Variants in DLG5 observed in about 807,000 individuals in gnomAD.
The protein encoded by DLG5 is discs large MAGUK scaffold protein 5.
DLG5 carries 48 observed loss-of-function variants against 189.8 expected under a neutral mutation model. That is an observed-to-expected ratio of 0.25 (90% confidence interval 0.20 to 0.32). The LOEUF (loss-of-function observed/expected upper bound fraction) is 0.32. DLG5 is among the 10% of genes least tolerant of loss of function. DLG5 has a pLI of 1.00. For missense variants in DLG5, 2,160 were observed against 2,544.7 expected (o/e 0.85, Z 3.25); for synonymous variants, 1,016 against 1,054.1 (o/e 0.96, Z 0.70).
intron 18 of DLG5, 116 bp from the exon 19 acceptor site, chr10:77,817,212 A>T (rs1478296909): frequency 1.1e-6 from 1 of 922,842 alleles, no homozygotes; most frequent in Non-Finnish European, 1.8e-6. Context: ...CCTGCTGTTT[A>T]TTCCCAAGGG....
chr10:77,799,811 A>C (rs1841109790), intron 27 of DLG5, among the ~76,000 whole-genome samples: 1 of 152,030 alleles, frequency 6.6e-6, no homozygotes, highest in Non-Finnish European at 1.5e-5. Flanking sequence ...GAGTCTTGCC[A>C]TGTTGCCCAG....
intron 1 of DLG5, among the ~76,000 whole-genome samples, chr10:77,885,865 C>A (rs1280677938): frequency 6.6e-6 from 1 of 152,178 alleles, no homozygotes; most frequent in Non-Finnish European, 1.5e-5. Context: ...GGTGCCAGTG[C>A]CAGGAGTGAA....
At chr10:77,883,036 G>A (rs1845330492) in intron 1 of DLG5, among the ~76,000 whole-genome samples, 1 of 152,124 alleles carries the variant, frequency 6.6e-6, no homozygotes, top group East Asian at 1.9e-4. Context: ...ATTCTACGCT[G>A]ACTTTCATTA....
chr10:77,855,433 A>G (rs1589221808), intron 3 of DLG5, among the ~76,000 whole-genome samples: 1 of 152,274 alleles, frequency 6.6e-6, no homozygotes, highest in Non-Finnish European at 1.5e-5. Flanking sequence ...AGCAGAGGTC[A>G]GCAAACTTTT....
chr10:77,916,484 G>T (rs1846360126), intron 1 of DLG5, among the ~76,000 whole-genome samples: 1 of 150,508 alleles, frequency 6.6e-6, no homozygotes, highest in African/African-American at 2.5e-5. Context: ...GTAGAGATGG[G>T]GTTTCATCAT....
chr10:77,891,573 G>GACACAGACACACACACACAC (rs1845607689), intron 1 of DLG5, among the ~76,000 whole-genome samples: 2 of 140,498 alleles, frequency 1.4e-5, no homozygotes, highest in African/African-American at 5.3e-5. Context: ...TCCCCCAACA[G>GACACAGACACACACACACAC]ACACACACAC....
rs769663409 is a variant in DLG5 at position 77,817,082 on chromosome 10, A to G, written c.3799T>C (p.Leu1267=). 12 of 1,614,046 alleles carry G rather than the reference A, an allele frequency of 7.4e-6. No homozygotes were observed. Among genetic ancestry groups the G allele is most frequent in the South Asian group, 1.1e-5 (1 of 91,084 alleles). ...SSARLGSSSN[L]QFKAERIKIP... ...TTAATGCGTTCCGCCTTGAACTGCA[A>G]GTTACTCGAAGAACCTATTGTTCCA... is the stretch of plus-strand genomic sequence containing the variant. Residue 1267 remains leucine, a synonymous_variant, in exon 19 of 32, where the codon TTG becomes CTG. Transcript: ENST00000372391.
At chr10:77,803,886 ATT>A (rs71030905) in intron 27 of DLG5, among the ~76,000 whole-genome samples, 53,561 of 129,062 alleles carry the variant, frequency 0.42, 11,448 homozygotes, top group African/African-American at 0.61. Context: ...ACAGGTTGGC[ATT>A]TTTTTTTTTT....
chr10:77,916,994 A>C (rs1846378543), intron 1 of DLG5, among the ~76,000 whole-genome samples: 1 of 151,186 alleles, frequency 6.6e-6, no homozygotes, highest in South Asian at 2.1e-4. Flanking sequence ...TGAGGACTTT[A>C]TGCTTAGAGA....
At chr10:77,899,588 C>T (rs1052693752) in intron 1 of DLG5, among the ~76,000 whole-genome samples, 1 of 152,200 alleles carries the variant, frequency 6.6e-6, no homozygotes, top group Non-Finnish European at 1.5e-5. Context: ...GGCTACACTA[C>T]AATGCACAGT....
chr10:77,929,271 G>A (rs1294977413), upstream of DLG5: 2 of 152,004 alleles, frequency 1.3e-5, no homozygotes, highest in African/African-American at 2.4e-5. Flanking sequence ...TGAACTCCTG[G>A]GCTCAAGTTA....
chr10:77,899,964 G>T (rs896917239), intron 1 of DLG5, among the ~76,000 whole-genome samples: 1 of 151,958 alleles, frequency 6.6e-6, no homozygotes. Context: ...AACCTTCTAC[G>T]GCTCCCTCTG....
At chr10:77,870,798 G>A (rs560316584) in intron 1 of DLG5, among the ~76,000 whole-genome samples, 18 of 152,276 alleles carry the variant, frequency 1.2e-4, no homozygotes, top group African/African-American at 4.1e-4. Flanking sequence ...GGGGGAGCGG[G>A]GCAGGGGAGG....
At chr10:77,806,717 G>GTGGCCC in intron 26 of DLG5, 41 bp downstream of exon 26, 1 of 1,371,172 alleles carries the variant, frequency 7.3e-7, no homozygotes, top group Non-Finnish European at 1.0e-6. Context: ...GGCCCTCGGC[G>GTGGCCC]ACCCCTGCCC....
intron 1 of DLG5, among the ~76,000 whole-genome samples, chr10:77,898,854 T>C (rs529265717): frequency 6.6e-6 from 1 of 152,170 alleles, no homozygotes; most frequent in African/African-American, 2.4e-5. Context: ...GGGAGGGCAC[T>C]CACCCAAAGT....
chr10:77,826,558 G>A (rs1709628206), intron 13 of DLG5, among the ~76,000 whole-genome samples: 1 of 152,236 alleles, frequency 6.6e-6, no homozygotes, highest in South Asian at 2.1e-4. Context: ...AGACCTGGGA[G>A]GCAGAGGCTG....
chr10:77,874,169 A>T (rs1362151792), intron 1 of DLG5, among the ~76,000 whole-genome samples: 1 of 152,248 alleles, frequency 6.6e-6, no homozygotes, highest in Non-Finnish European at 1.5e-5. Context: ...GAGGTTACTC[A>T]TCTGCTGTGA....
At chr10:77,883,197 G>A (rs1370964595) in intron 1 of DLG5, among the ~76,000 whole-genome samples, 1 of 152,144 alleles carries the variant, frequency 6.6e-6, no homozygotes, top group Non-Finnish European at 1.5e-5. Flanking sequence ...CCTGGAAGCT[G>A]AGAGAACAGT....
chr10:77,812,084 TG>T (rs758513414), intron 21 of DLG5, 27 bp from the exon 22 acceptor site: 7 of 1,605,792 alleles, frequency 4.4e-6, no homozygotes, highest in Non-Finnish European at 8.5e-7. Context: ...ATGGGCTCAG[TG>T]GGGGGGTCGG....
Sources: allele counts gnomAD v4.1 joint callset (sites outside exome capture counted in the v4.1 genomes callset), GRCh38; gene constraint gnomAD v4.1.1; transcripts MANE v1.5; gene names NCBI Gene and HGNC (gene_info 2026-07-23, HGNC 2026-07-21).